PRKD1: variants seen among roughly 807,000 people sequenced by gnomAD.
PRKD1 encodes serine/threonine-protein kinase D1.
In PRKD1, 63 loss-of-function variants were observed where a neutral mutation model predicts 95.9. The ratio of observed to expected loss-of-function variants is 0.66; its 90% CI spans 0.54 to 0.81. The LOEUF (loss-of-function observed/expected upper bound fraction) is 0.81, where lower values mean the gene tolerates loss of function less well. Among genes scored for constraint, PRKD1 ranks in the 30% least tolerant of loss-of-function variants. PRKD1 has a pLI of 0.00. For synonymous variants in PRKD1, 425 were observed against 423.1 expected (o/e 1.00, Z -0.05); for missense variants, 1,048 against 1,165.3 (o/e 0.90, Z 1.47).
chr14:29,890,556 T>A (rs906398585), intron 1 of PRKD1, among the ~76,000 whole-genome samples: 6 of 152,182 alleles, frequency 3.9e-5, no homozygotes, highest in African/African-American at 1.4e-4. Flanking sequence ...ATATAGAGAA[T>A]GAAGGTGAGT....
In PRKD1 at chr14:29,776,384, C is replaced by G. The variant is rs1466985723; in HGVS notation, c.265-50710G>C. Among the ~76,000 whole-genome samples the G allele has an allele frequency of 5.3e-5, 8 of 152,178 alleles. No homozygotes were observed. In the East Asian group the frequency reaches 1.2e-3, roughly 22 times the overall value. On this transcript the variant is annotated intron_variant, in intron 1 of 17. Transcript: ENST00000331968. ...GATGTTCGAACCCATCACAAAGAAGCTAAAAACCTTGAAAAAAGATTACAC... is the reference window on the plus strand; with the variant it reads ...GATGTTCGAACCCATCACAAAGAAGGTAAAAACCTTGAAAAAAGATTACAC...
chr14:29,665,597 A>G (rs1378057631), intron 3 of PRKD1, among the ~76,000 whole-genome samples: 3 of 152,104 alleles, frequency 2.0e-5, no homozygotes, highest in Non-Finnish European at 4.4e-5. Context: ...TTCATGGTGT[A>G]TATATATAAT....
chr14:29,798,322 T>C (rs1264641525), intron 1 of PRKD1, among the ~76,000 whole-genome samples: 1 of 152,206 alleles, frequency 6.6e-6, no homozygotes, highest in African/African-American at 2.4e-5. Flanking sequence ...AAAATACACA[T>C]ACATATTCAT....
In PRKD1 at chr14:29,630,818, C is replaced by T; in HGVS notation, c.1596G>A (p.Trp532Ter). 6.2e-7 allele frequency: 1 copy of T among 1,614,090 alleles called. No homozygotes were observed. The highest frequency in any genetic ancestry group is 1.1e-5 in the South Asian group (1 of 91,072). ...SGVGADVARMWEIAIQHALMP... is the reference protein window; with the variant it reads ...SGVGADVARM ...TAAGGGCATGCTGGATGGCTATCTC[C>T]CACATCCTGGCCACATCTGCACCAA... The change falls in exon 10 of 18, where the codon TGG (tryptophan) becomes TGA (stop). Residue 532 changes from tryptophan to a stop codon, truncating the protein, a stop_gained. Transcript: ENST00000331968. LOFTEE classifies it high-confidence loss of function.
chr14:29,701,275 CAT>C (rs1391022608), intron 2 of PRKD1, among the ~76,000 whole-genome samples: 1 of 152,148 alleles, frequency 6.6e-6, no homozygotes, highest in African/African-American at 2.4e-5. Flanking sequence ...ACACCCCAAA[CAT>C]ATTGAATCAG....
At chr14:29,737,357 A>G (rs916996841) in intron 1 of PRKD1, among the ~76,000 whole-genome samples, 12 of 147,840 alleles carry the variant, frequency 8.1e-5, no homozygotes, top group Non-Finnish European at 7.5e-5. Flanking sequence ...AAAAAAAAAA[A>G]AAAAATACTC....
chr14:29,826,718 T>TACACAC (rs1566622501), intron 1 of PRKD1, among the ~76,000 whole-genome samples: 1 of 95,726 alleles, frequency 1.0e-5, no homozygotes, highest in African/African-American at 4.1e-5. Context: ...CACATATATA[T>TACACAC]ATACATATAT....
intron 1 of PRKD1, among the ~76,000 whole-genome samples, chr14:29,879,591 G>A (rs1893430296): frequency 6.6e-6 from 1 of 152,160 alleles, no homozygotes; most frequent in African/African-American, 2.4e-5. Flanking sequence ...GTGGGGTGTT[G>A]CTGAAAAGAT....
chr14:29,898,869 T>C (rs2139426262), intron 1 of PRKD1, among the ~76,000 whole-genome samples: 2 of 152,298 alleles, frequency 1.3e-5, no homozygotes, highest in East Asian at 3.9e-4. Flanking sequence ...TAAAAAACCA[T>C]TTAATATTAA....
chr14:29,683,745 G>A (rs1304495877), intron 2 of PRKD1, among the ~76,000 whole-genome samples: 1 of 152,166 alleles, frequency 6.6e-6, no homozygotes, highest in Non-Finnish European at 1.5e-5. Context: ...CGCATGGCAT[G>A]GCTACACAGT....
rs10146279 is a variant in PRKD1, at chr14:29,777,631, C to T, written c.265-51957G>A. Among the ~76,000 whole-genome samples the T allele has an allele frequency of 5.2e-3, 791 of 152,268 alleles. 8 individuals are homozygous for T. The highest frequency in any genetic ancestry group is 0.016 in the African/African-American group (680 of 41,552). ...TATATGAACCCAATACGGGAGCACC[C>T]AGATTCATAAAGCAAGTCCTTAGAG... On this transcript the variant is annotated intron_variant, in intron 1 of 17. Coordinates refer to ENST00000331968, the MANE Select transcript of PRKD1 (RefSeq NM_002742.3).
intron 2 of PRKD1, among the ~76,000 whole-genome samples, chr14:29,700,605 T>A (rs551378602): frequency 1.4e-4 from 22 of 152,316 alleles, no homozygotes; most frequent in Non-Finnish European, 2.9e-4. Flanking sequence ...GTTAATCTTA[T>A]GTGCCTTCTT....
At chr14:29,743,905 G>A (rs142441692) in intron 1 of PRKD1, among the ~76,000 whole-genome samples, 20 of 152,260 alleles carry the variant, frequency 1.3e-4, no homozygotes, top group African/African-American at 4.3e-4. Context: ...GTATTCTTTT[G>A]TCTTTCCTCC....
Position 29,798,524 on chromosome 14 carries a change from C to T in PRKD1, c.265-72850G>A, listed in dbSNP as rs1474901329. Among the ~76,000 whole-genome samples the T allele has an allele frequency of 2.0e-5, 3 of 152,216 alleles. No homozygotes were observed. The East Asian group carries it at 5.8e-4, about 29-fold the overall frequency. Reference sequence around the variant, plus strand: ...GCAATAGGCTAAAGTCTTCTGACTACCTAATATAATTCTCTCCAAGTCAGT... The same window carrying T: ...GCAATAGGCTAAAGTCTTCTGACTATCTAATATAATTCTCTCCAAGTCAGT... On this transcript the variant is annotated intron_variant, in intron 1 of 17. Transcript: ENST00000331968.
chr14:29,897,374 C>T (rs1894171147), intron 1 of PRKD1, among the ~76,000 whole-genome samples: 1 of 152,056 alleles, frequency 6.6e-6, no homozygotes, highest in South Asian at 2.1e-4. Context: ...ATGGGTATTA[C>T]CGCACAAATA....
At chr14:29,666,573 G>A (rs1398634350) in intron 2 of PRKD1, among the ~76,000 whole-genome samples, 1 of 151,990 alleles carries the variant, frequency 6.6e-6, no homozygotes, top group Non-Finnish European at 1.5e-5. Context: ...AGTGAGAAAG[G>A]TATTCAAAAA....
chr14:29,906,238 T>G (rs906088555), intron 1 of PRKD1, among the ~76,000 whole-genome samples: 2 of 152,092 alleles, frequency 1.3e-5, no homozygotes, highest in Non-Finnish European at 1.5e-5. Context: ...GTTTAAGTCA[T>G]GTAAAAAGCT....
chr14:29,624,839 A>T (rs2139092635), intron 12 of PRKD1, among the ~76,000 whole-genome samples: 1 of 152,298 alleles, frequency 6.6e-6, no homozygotes, highest in Non-Finnish European at 1.5e-5. Context: ...CATCATCACC[A>T]TATAATAGGC....
intron 1 of PRKD1, among the ~76,000 whole-genome samples, chr14:29,900,992 T>C (rs1894299649): frequency 6.6e-6 from 1 of 152,236 alleles, no homozygotes; most frequent in Non-Finnish European, 1.5e-5. Flanking sequence ...ACTGGGTATA[T>C]GCCCAAAAGA....
Sources: gnomAD v4.1 joint callset for allele counts (sites outside exome capture counted in the v4.1 genomes callset) on GRCh38, gnomAD v4.1.1 for gene constraint, MANE v1.5 for transcripts, NCBI Gene and HGNC (gene_info 2026-07-23, HGNC 2026-07-21) for gene names.